The following ANO10 variants were observed in gnomAD, a reference collection of about 807,000 sequenced individuals.
ANO10 encodes anoctamin-10.
ANO10 carries 77 observed loss-of-function variants against 74.7 expected under a neutral mutation model. The ratio of observed to expected loss-of-function variants is 1.03; its 90% CI spans 0.86 to 1.25. ANO10 has a LOEUF of 1.25. Ranked by LOEUF, ANO10 falls within the 50% of genes most tolerant of loss-of-function variation. The probability of loss-of-function intolerance (pLI) is 0.00; values close to 1 mark genes in which losing one functional copy is unlikely to be tolerated. For synonymous variants in ANO10, 279 were observed against 284.9 expected, an observed-to-expected ratio of 0.98 and a Z score of 0.21; for missense variants, 721 against 778.1, an observed-to-expected ratio of 0.93 and a Z score of 0.87.
At chr3:43,394,201 C>T (rs529354668) in intron 12 of ANO10, among the ~76,000 whole-genome samples, 10 of 152,236 alleles carry the variant, frequency 6.6e-5, no homozygotes, top group Admixed American at 1.3e-4. Flanking sequence ...GGGCCTTAGA[C>T]GTTGTCCCCC....
At chr3:43,428,208 C>T (rs1463785522) in intron 12 of ANO10, among the ~76,000 whole-genome samples, 1 of 151,986 alleles carries the variant, frequency 6.6e-6, no homozygotes, top group Non-Finnish European at 1.5e-5. Flanking sequence ...TGCCACCATA[C>T]CCAGCTAATT....
intron 11 of ANO10, among the ~76,000 whole-genome samples, chr3:43,531,241 A>G (rs936862964): frequency 6.6e-6 from 1 of 152,182 alleles, no homozygotes; most frequent in Non-Finnish European, 1.5e-5. Context: ...TTTTTAAGCA[A>G]ATTATTTTAC....
intron 1 of ANO10, among the ~76,000 whole-genome samples, chr3:43,606,410 T>A (rs1325085779): frequency 6.6e-6 from 1 of 152,016 alleles, no homozygotes; most frequent in Admixed American, 6.5e-5. Flanking sequence ...ACAAAGGAAA[T>A]GGGCTTTGTC....
At chr3:43,411,431 A>G (rs905201208) in intron 12 of ANO10, among the ~76,000 whole-genome samples, 2 of 152,234 alleles carry the variant, frequency 1.3e-5, no homozygotes, top group African/African-American at 4.8e-5. Flanking sequence ...GACATAACGT[A>G]AATGGGTACT....
chr3:43,410,336 G>A (rs955368643), intron 12 of ANO10, among the ~76,000 whole-genome samples: 6 of 152,036 alleles, frequency 3.9e-5, no homozygotes, highest in African/African-American at 1.2e-4. Flanking sequence ...CGGCATCCTT[G>A]AATTCCCGGG....
intron 12 of ANO10, among the ~76,000 whole-genome samples, chr3:43,430,407 G>A (rs1246925122): frequency 6.6e-6 from 1 of 151,124 alleles, no homozygotes; most frequent in African/African-American, 2.4e-5. Context: ...ACTTCTTATG[G>A]TTTACATTTT....
chr3:43,385,729 G>A (rs2092096251), intron 12 of ANO10, among the ~76,000 whole-genome samples: 1 of 141,590 alleles, frequency 7.1e-6, no homozygotes, highest in African/African-American at 2.6e-5. Context: ...AAAGGTGTAA[G>A]AATGACTTTG....
intron 1 of ANO10, chr3:43,636,565 C>T (rs1365210674): frequency 6.6e-6 from 1 of 152,172 alleles, no homozygotes; most frequent in Non-Finnish European, 1.5e-5. Flanking sequence ...AGTTACAGAG[C>T]TATACAGAGA....
At chr3:43,678,724 CATGTCTGAGGAGTTTTG>C (rs1361904954) in intron 1 of ANO10, among the ~76,000 whole-genome samples, 1 of 152,152 alleles carries the variant, frequency 6.6e-6, no homozygotes, top group Non-Finnish European at 1.5e-5. Context: ...TCTTTAACTC[CATGTCTGAGGAGTTTTG>C]TCTCTGGCTC....
intron 1 of ANO10, 63 bp from the exon 2 acceptor site, chr3:43,605,926 T>C (rs1396774602): frequency 1.9e-6 from 3 of 1,557,936 alleles, no homozygotes; most frequent in South Asian, 1.1e-5. Flanking sequence ...AAATATGCTA[T>C]AGACTTCATT....
chr3:43,389,250 G>T (rs2092211738), intron 12 of ANO10, among the ~76,000 whole-genome samples: 1 of 152,196 alleles, frequency 6.6e-6, no homozygotes, highest in East Asian at 1.9e-4. Flanking sequence ...AACATTACTA[G>T]TGCTTTCTTA....
intron 1 of ANO10, among the ~76,000 whole-genome samples, chr3:43,678,075 T>C (rs2084145996): frequency 1.3e-5 from 2 of 152,214 alleles, no homozygotes; most frequent in Admixed American, 6.5e-5. Flanking sequence ...TCCAAGTGCA[T>C]TTAATACACC....
chr3:43,463,177 G>T (rs1381137987), intron 11 of ANO10, among the ~76,000 whole-genome samples: 4 of 152,150 alleles, frequency 2.6e-5, no homozygotes, highest in Non-Finnish European at 4.4e-5. Context: ...CCAGACCTGA[G>T]AATGGCAGAT....
At chr3:43,635,715 G>C (rs1214984376) in intron 1 of ANO10, among the ~76,000 whole-genome samples, 1 of 151,786 alleles carries the variant, frequency 6.6e-6, no homozygotes, top group Non-Finnish European at 1.5e-5. Context: ...CGCCTTCTGG[G>C]TTCAAGCAAT....
intron 9 of ANO10, among the ~76,000 whole-genome samples, chr3:43,560,014 G>C (rs1008794443): frequency 5.3e-5 from 8 of 152,148 alleles, no homozygotes; most frequent in Non-Finnish European, 1.2e-4. Flanking sequence ...ACACAGCAAT[G>C]ACAGAAGGGG....
intron 11 of ANO10, among the ~76,000 whole-genome samples, chr3:43,482,417 G>A (rs915193849): frequency 6.6e-6 from 1 of 151,866 alleles, no homozygotes; most frequent in Non-Finnish European, 1.5e-5. Flanking sequence ...AGAGAACCAT[G>A]GGATCTCAGG....
intron 11 of ANO10, among the ~76,000 whole-genome samples, chr3:43,446,043 T>C (rs2093240721): frequency 2.0e-5 from 3 of 152,148 alleles, no homozygotes; most frequent in Admixed American, 2.0e-4. Context: ...ACAAGAAGCC[T>C]GGCGGAGAGA....
At chr3:43,518,836 T>C (rs2077823680) in intron 11 of ANO10, among the ~76,000 whole-genome samples, 1 of 152,168 alleles carries the variant, frequency 6.6e-6, no homozygotes, top group East Asian at 1.9e-4. Context: ...CTATCAATGA[T>C]AATGCGTGTC....
At chr3:43,374,653 GCGAGTATCT>G (rs2125681254) in intron 12 of ANO10, among the ~76,000 whole-genome samples, 1 of 152,326 alleles carries the variant, frequency 6.6e-6, no homozygotes, top group African/African-American at 2.4e-5. Flanking sequence ...ATGAGATCTT[GCGAGTATCT>G]CTGAATTATT....
Sources: allele counts gnomAD v4.1 joint callset (sites outside exome capture counted in the v4.1 genomes callset), GRCh38; gene constraint gnomAD v4.1.1; transcripts MANE v1.5; gene names NCBI Gene and HGNC (gene_info 2026-07-23, HGNC 2026-07-21).